Variants in PHF20 observed in about 807,000 individuals in gnomAD.
PHF20 encodes the protein glioma-expressed antigen 2.
PHF20 carries 23 observed loss-of-function variants against 113.5 expected under a neutral mutation model. The observed-to-expected ratio is 0.20, with a 90% CI of 0.15 to 0.29. PHF20 has a LOEUF of 0.29. Among genes scored for constraint, PHF20 ranks in the 10% least tolerant of loss-of-function variants. The probability of loss-of-function intolerance (pLI) is 1.00; values close to 1 mark genes in which losing one functional copy is unlikely to be tolerated. For missense variants in PHF20, 943 were observed against 1,219.6 expected (o/e 0.77, Z 3.38); for synonymous variants, 434 against 457.3 (o/e 0.95, Z 0.65).
At chr20:35,846,687 AG>A (rs2042630437) in intron 3 of PHF20, among the ~76,000 whole-genome samples, 1 of 152,106 alleles carries the variant, frequency 6.6e-6, no homozygotes, top group Non-Finnish European at 1.5e-5. Flanking sequence ...TATGCTGGTT[AG>A]GGTGGAATTA....
chr20:35,842,499 A>C, intron 2 of PHF20, 74 bp from the exon 3 acceptor site: 1 of 1,344,012 alleles, frequency 7.4e-7, no homozygotes, highest in Non-Finnish European at 1.0e-6. Context: ...GAGGTTTGGA[A>C]ATGTACCATT....
Position 35,871,079 on chromosome 20 carries a change from G to A in PHF20, c.1047G>A (p.Leu349=), listed in dbSNP as rs2054412622. The A allele has an allele frequency of 6.2e-7, 1 of 1,613,136 alleles. No homozygotes were observed. Among genetic ancestry groups the A allele is most frequent in the African/African-American group, 1.3e-5 (1 of 75,002 alleles). ...ILDPDLVVSD[L]VDTDPLQDTL... ...ATCCTGACTTGGTTGTATCAGATTT[G>A]GTTGATACGGATCCTTTGCAAGACA... Residue 349 remains leucine (L), a synonymous_variant, in exon 8 of 18, where the codon TTG becomes TTA. Transcript: ENST00000374012.
chr20:35,899,266 T>G (rs2055048527), intron 9 of PHF20, 104 bp from the exon 10 acceptor site: 2 of 929,990 alleles, frequency 2.2e-6, no homozygotes, highest in Admixed American at 2.7e-5. Flanking sequence ...TCAGGCTACA[T>G]TTGCACGCTA....
At chr20:35,907,062 C>A (rs919482135) in intron 10 of PHF20, among the ~76,000 whole-genome samples, 1 of 152,188 alleles carries the variant, frequency 6.6e-6, no homozygotes, top group Non-Finnish European at 1.5e-5. Flanking sequence ...AGCTACCACC[C>A]CCTTGTGCAG....
chr20:35,947,358 G>A, intron 17 of PHF20, 127 bp from the exon 18 acceptor site: 2 of 866,690 alleles, frequency 2.3e-6, no homozygotes. Flanking sequence ...TTGCCCCATG[G>A]AGGCTGAAAT....
At chr20:35,946,364 G>T (rs1219575780) in intron 17 of PHF20, among the ~76,000 whole-genome samples, 2 of 152,144 alleles carry the variant, frequency 1.3e-5, no homozygotes, top group Non-Finnish European at 2.9e-5. Flanking sequence ...AACCTAGGAG[G>T]CAGAGATTAC....
At chr20:35,914,431 ATTG>A (rs1465676836) in intron 12 of PHF20, among the ~76,000 whole-genome samples, 1 of 152,224 alleles carries the variant, frequency 6.6e-6, no homozygotes, top group African/African-American at 2.4e-5. Flanking sequence ...ATTGGAAAAT[ATTG>A]TTGTGTTGAG....
At position 35,775,529 on chromosome 20, in the gene PHF20, G is replaced by A. The variant is rs180808605; in HGVS notation, c.-33+3450G>A. 1.7e-4 allele frequency among the ~76,000 whole-genome samples: 26 copies of A among 152,148 alleles called. No homozygotes were observed. The East Asian group carries it at 3.5e-3, about 20-fold the overall frequency. ...CCCAGCACTTTGGGAGCTGAGGCGG[G>A]CAGATCACGAGGTCAGGAGTTCGAG... On this transcript the variant is annotated intron_variant, in intron 1 of 17. Transcript: ENST00000374012.
intron 1 of PHF20, among the ~76,000 whole-genome samples, chr20:35,779,061 A>G (rs1381471253): frequency 6.6e-6 from 1 of 150,654 alleles, no homozygotes; most frequent in Non-Finnish European, 1.5e-5. Context: ...TTTGAGGTGG[A>G]GTCTCACTTC....
chr20:35,931,542 C>G, intron 15 of PHF20, 98 bp downstream of exon 15: 3 of 867,582 alleles, frequency 3.5e-6, no homozygotes, highest in Non-Finnish European at 1.7e-6. Flanking sequence ...GCAATCAAAT[C>G]ATAAAACTGA....
chr20:35,812,083 A>G (rs2041989259), intron 2 of PHF20, among the ~76,000 whole-genome samples: 2 of 152,020 alleles, frequency 1.3e-5, no homozygotes, highest in South Asian at 4.2e-4. Context: ...CCTGCTTTTT[A>G]TTAAGAAAAT....
chr20:35,802,938 GAAAA>G (rs768194320), intron 2 of PHF20, among the ~76,000 whole-genome samples: 2 of 69,170 alleles, frequency 2.9e-5, no homozygotes, highest in African/African-American at 5.3e-5. Context: ...GACTCGGTCT[GAAAA>G]AAAAAAAAAA....
intron 15 of PHF20, among the ~76,000 whole-genome samples, chr20:35,937,633 A>G (rs2055890633): frequency 6.6e-6 from 1 of 152,158 alleles, no homozygotes; most frequent in African/African-American, 2.4e-5. Context: ...ACTCTTCCTT[A>G]ATTTTCTCCT....
chr20:35,780,295 A>G (rs940263031), intron 1 of PHF20, among the ~76,000 whole-genome samples: 9 of 135,022 alleles, frequency 6.7e-5, no homozygotes, highest in Non-Finnish European at 3.1e-5. Flanking sequence ...GCACAATCTC[A>G]GCTCACTGCA....
At chr20:35,789,870 T>G (rs1047730286) in intron 1 of PHF20, among the ~76,000 whole-genome samples, 2 of 117,282 alleles carry the variant, frequency 1.7e-5, no homozygotes, top group Admixed American at 2.0e-4. Flanking sequence ...CCCCTTTTTT[T>G]TTATACACAG....
intron 1 of PHF20, among the ~76,000 whole-genome samples, chr20:35,780,849 CTTTTTTTTT>C (rs61173937): frequency 3.4e-4 from 33 of 98,242 alleles, no homozygotes; most frequent in African/African-American, 1.5e-3. Context: ...GTGCCTGGCC[CTTTTTTTTT>C]TTTTTTTTTT....
At chr20:35,926,764 T>C (rs961568411) in intron 13 of PHF20, among the ~76,000 whole-genome samples, 7 of 152,140 alleles carry the variant, frequency 4.6e-5, no homozygotes, top group Admixed American at 2.0e-4. Flanking sequence ...AGGACCTATG[T>C]GACTCCCAGT....
chr20:35,862,981 GA>G, intron 5 of PHF20, 31 bp from the exon 6 acceptor site: 1 of 1,526,924 alleles, frequency 6.5e-7, no homozygotes, highest in Non-Finnish European at 8.8e-7. Context: ...AAGTAATCAC[GA>G]AGTGTTTCAT....
At chr20:35,782,388 A>C (rs1003728416) in intron 1 of PHF20, 1 of 151,592 alleles carries the variant, frequency 6.6e-6, no homozygotes, top group African/African-American at 2.4e-5. Flanking sequence ...GGATTCAAGC[A>C]ATTCTCCTGC....
Sources: gnomAD v4.1 joint callset for allele counts (sites outside exome capture counted in the v4.1 genomes callset) on GRCh38, gnomAD v4.1.1 for gene constraint, MANE v1.5 for transcripts, NCBI Gene and HGNC (gene_info 2026-07-23, HGNC 2026-07-21) for gene names.